Variants in SLC51A observed in about 807,000 individuals in gnomAD.
SLC51A encodes the protein organic solute transporter subunit alpha.
A neutral mutation model predicts 34.8 loss-of-function variants in SLC51A; 22 were observed. The ratio of observed to expected loss-of-function variants is 0.63; its 90% CI spans 0.45 to 0.90. SLC51A has a LOEUF of 0.90. Among genes scored for constraint, SLC51A ranks in the 40% least tolerant of loss-of-function variants. The pLI is 0.00. For synonymous variants in SLC51A, 181 were observed against 176.3 expected (o/e 1.03, Z -0.21); for missense variants, 371 against 414.8 (o/e 0.89, Z 0.92).
intron 2 of SLC51A, among the ~76,000 whole-genome samples, chr3:196,224,366 C>T (rs1486990362): frequency 6.6e-6 from 1 of 150,982 alleles, no homozygotes; most frequent in Non-Finnish European, 1.5e-5. Flanking sequence ...GGGATTTTCA[C>T]ACACCGAGAA....
chr3:196,217,732 G>T, intron 1 of SLC51A, 110 bp from the exon 2 acceptor site: 1 of 749,006 alleles, frequency 1.3e-6, no homozygotes, highest in Non-Finnish European at 2.2e-6. Context: ...AAGAGGCCCT[G>T]AGGGGAAATG....
At chr3:196,227,789 C>T in intron 4 of SLC51A, 52 bp downstream of exon 4, 1 of 1,525,264 alleles carries the variant, frequency 6.6e-7, no homozygotes, top group Non-Finnish European at 9.0e-7. Flanking sequence ...TCCCGCTCAC[C>T]AGGACTCGAG....
At position 196,228,676 on chromosome 3, in the gene SLC51A, C is replaced by A. The variant is rs1723955643; in HGVS notation, c.522-133C>A. ...TCAACATTCTGCTTTTTTCCTCTGT[C>A]CCCATCCACTTAACCTGGTTGGTGT... On this transcript the variant is annotated intron_variant, in intron 5 of 8. Coordinates refer to ENST00000296327, the MANE Select transcript of SLC51A (RefSeq NM_152672.6). The surrounding 1 kb of genome is among the most constrained non-coding windows in gnomAD (Gnocchi z 4.9). The A allele has an allele frequency of 2.7e-6, 2 of 735,872 alleles. No homozygotes were observed. Among genetic ancestry groups the A allele is most frequent in the East Asian group, 5.0e-5 (2 of 39,932 alleles). 45.6% of individuals were successfully genotyped at this position (735,872 alleles called of 1,614,324 possible). A position where few individuals can be genotyped will look rare whatever the true frequency, so the allele number is the denominator to read the frequency against.
intron 2 of SLC51A, among the ~76,000 whole-genome samples, chr3:196,225,217 G>A (rs532756965): frequency 3.6e-4 from 54 of 151,834 alleles, no homozygotes; most frequent in Non-Finnish European, 5.7e-4. Context: ...CAAGTGATCC[G>A]CCCACCTCAG....
chr3:196,227,839 TC>T, intron 4 of SLC51A, 102 bp downstream of exon 4: 1 of 1,183,662 alleles, frequency 8.4e-7, no homozygotes, highest in Non-Finnish European at 1.2e-6. Context: ...ATCTGGCCCT[TC>T]CCAGCTTGTG....
At position 196,218,888 on chromosome 3, in the gene SLC51A, G is replaced by A. The variant is rs147244154; in HGVS notation, c.133+952G>A. Among the ~76,000 whole-genome samples, 50 of 151,694 alleles carry A rather than the reference G, an allele frequency of 3.3e-4. 1 individual carries two copies. The highest frequency in any genetic ancestry group is 9.9e-4 in the African/African-American group (41 of 41,380). On this transcript the variant is annotated intron_variant, in intron 2 of 8. Transcript: ENST00000296327. Reference sequence around the variant, plus strand: ...CATAGGTGAACCTGCAAAAGTCCTCGCAGTGTTGGCCAACAAGATTCTATT... The same window carrying A: ...CATAGGTGAACCTGCAAAAGTCCTCACAGTGTTGGCCAACAAGATTCTATT...
At chr3:196,219,985 C>A (rs1291358324) in intron 2 of SLC51A, among the ~76,000 whole-genome samples, 1 of 152,264 alleles carries the variant, frequency 6.6e-6, no homozygotes, top group Non-Finnish European at 1.5e-5. Context: ...AGCCTCGCCG[C>A]AGGCAGAGTG....
intron 2 of SLC51A, among the ~76,000 whole-genome samples, chr3:196,222,133 T>C (rs560653757): frequency 4.6e-5 from 7 of 152,234 alleles, no homozygotes; most frequent in African/African-American, 7.2e-5. Context: ...GCTGGGATTA[T>C]GGGTGATTAC....
At position 196,232,475 on chromosome 3, in the gene SLC51A, T is replaced by C. The variant is rs1435883967; in HGVS notation, c.837T>C (p.Gly279=). ...QPSIFSVLAN[G]GQIACSPPYS... ...CCATCTTCTCAGTCTTGGCCAACGG[T>C]GGGCAGATTGCTTGTTCGCCTCCCT... Residue 279 remains glycine (G), a synonymous_variant, in exon 8 of 9, where the codon GGT becomes GGC. Transcript: ENST00000296327. 5 of 1,614,086 alleles carry C rather than the reference T, an allele frequency of 3.1e-6. No homozygotes were observed. Among genetic ancestry groups the C allele is most frequent in the Non-Finnish European group, 4.2e-6 (5 of 1,180,020 alleles).
At chr3:196,225,432 C>T (rs1450274719) in intron 2 of SLC51A, among the ~76,000 whole-genome samples, 1 of 152,196 alleles carries the variant, frequency 6.6e-6, no homozygotes, top group Non-Finnish European at 1.5e-5. Context: ...TCCCACTGAG[C>T]TGCCCTCATG....
intron 1 of SLC51A, among the ~76,000 whole-genome samples, chr3:196,217,393 C>T (rs757356532): frequency 1.1e-4 from 17 of 151,994 alleles, no homozygotes; most frequent in Non-Finnish European, 2.1e-4. Context: ...AAAAATTAGC[C>T]GGGCCTGGTG....
At chr3:196,227,244 A>G in intron 3 of SLC51A, 125 bp downstream of exon 3, 1 of 1,015,596 alleles carries the variant, frequency 9.8e-7, no homozygotes, top group Non-Finnish European at 1.4e-6. Context: ...CGGAGGGCCG[A>G]GGTTTGCAGG....
Position 196,228,334 on chromosome 3 carries a change from C to A in SLC51A, c.521+61C>A. The A allele has an allele frequency of 1.3e-6, 2 of 1,543,200 alleles. No individual in the cohort carries two copies. The highest frequency in any genetic ancestry group is 1.7e-6 in the Non-Finnish European group (2 of 1,150,410). On this transcript the variant is annotated intron_variant, in intron 5 of 8. Transcript: ENST00000296327. The surrounding 1 kb of genome is among the most constrained non-coding windows in gnomAD (Gnocchi z 4.9). ...GGGAGCCTCTCCTGGACCCCTGGTC[C>A]CCTTCAAGGCTCTGGGAATTAGGCG...
At chr3:196,232,979 C>A in intron 8 of SLC51A, 84 bp from the exon 9 acceptor site, 1 of 1,382,130 alleles carries the variant, frequency 7.2e-7, no homozygotes, top group Non-Finnish European at 1.0e-6. Context: ...GAAAGTGTTG[C>A]TCAACTCCCG....
intron 6 of SLC51A, among the ~76,000 whole-genome samples, chr3:196,229,229 C>T (rs371800483): frequency 6.6e-5 from 10 of 152,026 alleles, no homozygotes; most frequent in Non-Finnish European, 1.0e-4. Flanking sequence ...GACAATATAG[C>T]GAGATGCCAT....
At chr3:196,227,438 A>G (rs568957325) in intron 3 of SLC51A, 24 of 595,240 alleles carry the variant, frequency 4.0e-5, no homozygotes, top group African/African-American at 3.5e-4. Flanking sequence ...GGAAAGTCTC[A>G]TTCCACAGGG....
In SLC51A at chr3:196,233,165, C is replaced by A; in HGVS notation, c.989C>A (p.Ser330Tyr). 1 of 1,614,264 alleles carries A rather than the reference C, an allele frequency of 6.2e-7. No individual in the cohort carries two copies. Among genetic ancestry groups the A allele is most frequent in the African/African-American group, 1.3e-5 (1 of 75,074 alleles). Residue 330 changes from serine (S) to tyrosine (Y), a missense_variant, in exon 9 of 9, where the codon TCT becomes TAT. Ser to Tyr is a moderately radical substitution (Grantham distance 144). Transcript: ENST00000296327. ...CACAAGGTTGGGTATGAAACTTTCT[C>A]TTCTCCAGACCTGGACTTGAACCTC... ...KDHKVGYETF[S>Y]SPDLDLNLKA is the part of the protein sequence containing the mutation.
At chr3:196,226,260 T>G (rs1355476042) in intron 2 of SLC51A, among the ~76,000 whole-genome samples, 1 of 152,084 alleles carries the variant, frequency 6.6e-6, no homozygotes, top group Non-Finnish European at 1.5e-5. Context: ...AGGTCAAGGT[T>G]GCAGTGAGCC....
At chr3:196,231,475 AGAGT>A (rs1307941941) in intron 7 of SLC51A, among the ~76,000 whole-genome samples, 2 of 152,242 alleles carry the variant, frequency 1.3e-5, no homozygotes, top group East Asian at 1.9e-4. Context: ...ACAGTTTAAC[AGAGT>A]GAGTTCACGT....
Sources: allele counts gnomAD v4.1 joint callset (sites outside exome capture counted in the v4.1 genomes callset), GRCh38; gene constraint gnomAD v4.1.1; non-coding constraint Gnocchi (gnomAD v3.1); transcripts MANE v1.5; gene names NCBI Gene and HGNC (gene_info 2026-07-23, HGNC 2026-07-21).